ZNF514: variants seen among roughly 807,000 people sequenced by gnomAD.
ZNF514 encodes the protein zinc finger protein 514.
In ZNF514, 12 loss-of-function variants were observed where a neutral mutation model predicts 9.7. That is an observed-to-expected ratio of 1.24 (90% CI 0.79 to 2.01). ZNF514 has a LOEUF of 2.01. Ranked by LOEUF, ZNF514 falls within the 30% of genes most tolerant of loss-of-function variation. The probability of loss-of-function intolerance (pLI) is 0.00; values close to 1 mark genes in which losing one functional copy is unlikely to be tolerated. For missense variants in ZNF514, 467 were observed against 465.5 expected (o/e 1.00, Z -0.03); for synonymous variants, 158 against 163.7 (o/e 0.97, Z 0.27).
At chr2:95,137,292 T>C in the ZNF514 span, among the ~76,000 whole-genome samples, 20 of 152,156 alleles carry the variant, frequency 1.3e-4, no homozygotes, top group African/African-American at 4.8e-4. Flanking sequence ...GCCCTGATTC[T>C]GGAAATGAAA....
chr2:95,129,463 G>T, the ZNF514 span, among the ~76,000 whole-genome samples: 1 of 152,190 alleles, frequency 6.6e-6, no homozygotes, highest in Admixed American at 6.5e-5. Context: ...GTGGTGTCTC[G>T]CTGGGAAAGG....
chr2:95,132,914 G>A, the ZNF514 span, among the ~76,000 whole-genome samples: 5 of 144,264 alleles, frequency 3.5e-5, no homozygotes, highest in African/African-American at 1.3e-4. Context: ...ACCCTACTAC[G>A]CCTAGCAATT....
At chr2:95,158,291 G>C (rs1429593507) in intron 1 of ZNF514, among the ~76,000 whole-genome samples, 1 of 151,876 alleles carries the variant, frequency 6.6e-6, no homozygotes, top group Non-Finnish European at 1.5e-5. Context: ...AAGGAAAAAA[G>C]AGGGGGTGGG....
chr2:95,159,577 C>G lies in ZNF514; in HGVS notation c.-433G>C, dbSNP rs1673792724. 6.7e-6 allele frequency: 1 copy of G among 150,342 alleles called. No individual in the cohort carries two copies. Among genetic ancestry groups the G allele is most frequent in the Non-Finnish European group, 1.5e-5 (1 of 66,956 alleles). The allele number at this position is 150,342 out of a possible 1,614,324, so 9.3% of individuals were successfully genotyped here. Reference sequence around the variant, plus strand: ...CGCGCCCGCAGTCTCCGAACGCTCACAGGACCAGGCCCCGCCCGCCACCCC... The same window carrying G: ...CGCGCCCGCAGTCTCCGAACGCTCAGAGGACCAGGCCCCGCCCGCCACCCC... On this transcript the variant is annotated 5_prime_UTR_variant, in exon 1 of 5. Transcript: ENST00000295208.
At chr2:95,142,444 C>G (rs1249580735), downstream of ZNF514, among the ~76,000 whole-genome samples, 2 of 152,182 alleles carry the variant, frequency 1.3e-5, no homozygotes, top group Non-Finnish European at 2.9e-5. Context: ...GAATTAGTTA[C>G]TTATCACCTG....
chr2:95,149,542 G>A lies in ZNF514; in HGVS notation c.943C>T (p.Pro315Ser). The change falls in exon 5 of 5, where the codon CCC becomes TCC. Residue 315 changes from proline to serine, a missense_variant. By Grantham distance (74) the Pro-to-Ser change is moderately conservative. Coordinates refer to ENST00000295208, the MANE Select transcript of ZNF514 (RefSeq NM_032788.3). ...CTCCCACATTCCCGGCATTCATAGG[G>A]CTTTTCTCCAGTATGAGTCCTCTGA... The part of the protein sequence containing the change: ...KHQRTHTGEK[P>S]YECRECGRTF... 1.2e-6 allele frequency: 2 copies of A among 1,613,546 alleles called. No individual in the cohort carries two copies. The highest frequency in any genetic ancestry group is 8.5e-7 in the Non-Finnish European group (1 of 1,179,928).
downstream of ZNF514, among the ~76,000 whole-genome samples, chr2:95,144,360 A>G (rs1402346165): frequency 2.0e-5 from 3 of 152,210 alleles, no homozygotes; most frequent in Non-Finnish European, 2.9e-5. Context: ...CAGGCATGTA[A>G]TATCAGTAGG....
At chr2:95,151,922 G>C (rs1388883575) in intron 4 of ZNF514, among the ~76,000 whole-genome samples, 2 of 152,182 alleles carry the variant, frequency 1.3e-5, no homozygotes, top group African/African-American at 4.8e-5. Flanking sequence ...CCATAACCTA[G>C]TTCCCTTTCA....
At chr2:95,134,814 T>C in the ZNF514 span, among the ~76,000 whole-genome samples, 1 of 152,224 alleles carries the variant, frequency 6.6e-6, no homozygotes. Flanking sequence ...CATGTGGCTG[T>C]ACAGGTGTCC....
downstream of ZNF514, among the ~76,000 whole-genome samples, chr2:95,143,797 A>C (rs1316689758): frequency 6.6e-6 from 1 of 152,182 alleles, no homozygotes; most frequent in South Asian, 2.1e-4. Flanking sequence ...AATGACGCAA[A>C]CATTCTTGGA....
the ZNF514 span, among the ~76,000 whole-genome samples, chr2:95,133,783 T>C: frequency 6.6e-6 from 1 of 152,156 alleles, no homozygotes; most frequent in African/African-American, 2.4e-5. Flanking sequence ...TTATATGTCA[T>C]TTTGTATCAG....
At chr2:95,138,274 G>C in the ZNF514 span, among the ~76,000 whole-genome samples, 24 of 152,340 alleles carry the variant, frequency 1.6e-4, no homozygotes, top group East Asian at 4.6e-3. Flanking sequence ...AACAGCGAGA[G>C]GGTGGAAGAG....
At chr2:95,132,592 A>G in the ZNF514 span, among the ~76,000 whole-genome samples, 7 of 152,128 alleles carry the variant, frequency 4.6e-5, no homozygotes, top group Non-Finnish European at 8.8e-5. Flanking sequence ...CATGCAGGCC[A>G]GGCACAGTGG....
In ZNF514 at chr2:95,149,403, T is replaced by C. The variant is rs752071945; in HGVS notation, c.1082A>G (p.Gln361Arg). The C allele has an allele frequency of 6.2e-7, 1 of 1,612,830 alleles. No individual in the cohort carries two copies. Among genetic ancestry groups the C allele is most frequent in the Non-Finnish European group, 8.5e-7 (1 of 1,179,728 alleles). ...RAFSQSSSLT[Q>R]HYRFHTGEKP... ...CTCTCCAGTGTGAAATCTGTAATGT[T>C]GAGTGAGAGATGAACTCTGGCTGAA... Residue 361 changes from glutamine (Q) to arginine (R), a missense_variant, in exon 5 of 5, where the codon CAA (glutamine) becomes CGA (arginine). Transcript: ENST00000295208.
chr2:95,125,168 T>A, the ZNF514 span, among the ~76,000 whole-genome samples: 1 of 150,324 alleles, frequency 6.7e-6, no homozygotes, highest in Non-Finnish European at 1.5e-5. Flanking sequence ...CATGAGCCAC[T>A]GTGCCCAGCC....
chr2:95,138,777 A>G, the ZNF514 span, among the ~76,000 whole-genome samples: 1 of 152,242 alleles, frequency 6.6e-6, no homozygotes, highest in East Asian at 1.9e-4. Flanking sequence ...CTTGCTAGAG[A>G]TATTTGCATA....
At chr2:95,134,904 C>T in the ZNF514 span, among the ~76,000 whole-genome samples, 1 of 152,162 alleles carries the variant, frequency 6.6e-6, no homozygotes, top group Non-Finnish European at 1.5e-5. Flanking sequence ...TGACCATAGA[C>T]ACATAGGTTT....
At position 95,149,363 on chromosome 2, in the gene ZNF514, A is replaced by G. The variant is rs767263595; in HGVS notation, c.1122T>C (p.Cys374=). 1 of 1,614,016 alleles carries G rather than the reference A, an allele frequency of 6.2e-7. No homozygotes were observed. Among genetic ancestry groups the G allele is most frequent in the Non-Finnish European group, 8.5e-7 (1 of 1,179,906 alleles). Residue 374 remains cysteine (C), a synonymous_variant, in exon 5 of 5, where the codon TGT becomes TGC. Coordinates refer to ENST00000295208, the MANE Select transcript of ZNF514 (RefSeq NM_032788.3). ...GAGCAAAGGCCCTTCCACACTCATT[A>G]CATTTGTAGGGTTTCTCTCCAGTGT... ...RFHTGEKPYK[C]NECGRAFAHT...
rs1673422784 is a variant in ZNF514, at chr2:95,148,366, C to T, written c.*916G>A. On this transcript the variant is annotated 3_prime_UTR_variant, in exon 5 of 5. Transcript: ENST00000295208. ...CACAAGTGTCGTTATACAAATGGCCCCACCAGGCAGAAAATCACCAGACAA... is the reference window on the plus strand; with the variant it reads ...CACAAGTGTCGTTATACAAATGGCCTCACCAGGCAGAAAATCACCAGACAA... 6.6e-6 allele frequency: 1 copy of T among 152,218 alleles called. No homozygotes were observed. The allele number at this position is 152,218 out of a possible 1,614,324, so 9.4% of individuals were successfully genotyped here.
Sources: allele counts gnomAD v4.1 joint callset (sites outside exome capture counted in the v4.1 genomes callset), GRCh38; gene constraint gnomAD v4.1.1; transcripts MANE v1.5; gene names NCBI Gene and HGNC (gene_info 2026-07-23, HGNC 2026-07-21).